Variants in KIAA0319 observed in about 807,000 individuals in gnomAD.
KIAA0319 encodes the protein KIAA0319, also known as dyslexia-associated protein KIAA0319.
Under a neutral mutation model 108.4 loss-of-function variants are expected in KIAA0319, and 83 were observed. The ratio of observed to expected loss-of-function variants is 0.77; its 90% CI spans 0.64 to 0.92. The LOEUF is 0.92. Ranked by LOEUF, KIAA0319 falls within the 40% of genes least tolerant of loss-of-function variation. The probability of loss-of-function intolerance (pLI) is 0.00; values close to 1 mark genes in which losing one functional copy is unlikely to be tolerated. For synonymous variants in KIAA0319, 484 were observed against 510.4 expected (o/e 0.95, Z 0.70); for missense variants, 1,195 against 1,322.4 (o/e 0.90, Z 1.49).
intron 1 of KIAA0319, among the ~76,000 whole-genome samples, chr6:24,619,110 G>A (rs1455737338): frequency 2.0e-5 from 3 of 152,174 alleles, no homozygotes; most frequent in Non-Finnish European, 4.4e-5. Context: ...GCTAGAAAAG[G>A]GAAAGCACTA....
chr6:24,542,269 G>T (rs947086414), downstream of KIAA0319, among the ~76,000 whole-genome samples: 4 of 152,232 alleles, frequency 2.6e-5, no homozygotes, highest in Non-Finnish European at 5.9e-5. Flanking sequence ...TTACAGGATT[G>T]AAGATGATCC....
At chr6:24,622,126 A>G (rs1582276604) in intron 1 of KIAA0319, among the ~76,000 whole-genome samples, 1 of 152,090 alleles carries the variant, frequency 6.6e-6, no homozygotes, top group South Asian at 2.1e-4. Context: ...CTGCCTGGGG[A>G]GTGCTCACCC....
intron 20 of KIAA0319, among the ~76,000 whole-genome samples, chr6:24,551,230 G>C (rs1252024216): frequency 6.6e-6 from 1 of 151,596 alleles, no homozygotes; most frequent in Non-Finnish European, 1.5e-5. Context: ...CAGGCGCCTT[G>C]GCCTAAGTGC....
At position 24,578,140 on chromosome 6, in the gene KIAA0319, G is replaced by C. The variant is rs1484881470; in HGVS notation, c.1475C>G (p.Ser492Cys). ...ACTATAGTTACCAGGATCAAGGTTA[G>C]ACAAGCGTAAGACGGGAGAGTCAAC... Reference protein sequence around the residue: ...TSVDSPVLRLSNLDPGNYSFR... With the variant: ...TSVDSPVLRLCNLDPGNYSFR... The change falls in exon 9 of 21, where the codon TCT (serine) becomes TGT (cysteine). Residue 492 changes from serine to cysteine, a missense_variant. By Grantham distance (112) the Ser-to-Cys change is moderately radical (BLOSUM62 -1). Coordinates refer to ENST00000378214, the MANE Select transcript of KIAA0319 (RefSeq NM_014809.4). The C allele has an allele frequency of 6.2e-7, 1 of 1,613,024 alleles. No homozygotes were observed. Among genetic ancestry groups the C allele is most frequent in the South Asian group, 1.1e-5 (1 of 90,766 alleles).
At chr6:24,549,828 C>T (rs989086791) in intron 20 of KIAA0319, among the ~76,000 whole-genome samples, 41 of 151,906 alleles carry the variant, frequency 2.7e-4, no homozygotes, top group African/African-American at 1.5e-4. Flanking sequence ...ATGGTAATGA[C>T]GAGGAAAGAG....
Position 24,633,118 on chromosome 6 carries a change from T to C in KIAA0319, c.-106+12618A>G, listed in dbSNP as rs142845780. On this transcript the variant is annotated intron_variant, in intron 1 of 20. Coordinates refer to ENST00000378214, the MANE Select transcript of KIAA0319 (RefSeq NM_014809.4). ...GAAAGATAATACAAGATTTTTTTCATACTCAAACTCATCAAACTAATAAAA... is the reference window on the plus strand; with the variant it reads ...GAAAGATAATACAAGATTTTTTTCACACTCAAACTCATCAAACTAATAAAA... Among the ~76,000 whole-genome samples the C allele has an allele frequency of 3.8e-3, 580 of 152,256 alleles. 9 individuals are homozygous for C. Among genetic ancestry groups the C allele is most frequent in the East Asian group, 0.037 (192 of 5,176 alleles).
intron 16 of KIAA0319, among the ~76,000 whole-genome samples, chr6:24,560,032 A>G (rs914914138): frequency 1.3e-5 from 2 of 152,208 alleles, no homozygotes; most frequent in Admixed American, 6.5e-5. Flanking sequence ...GCACACATCA[A>G]TACTTTATTC....
intron 1 of KIAA0319, among the ~76,000 whole-genome samples, chr6:24,627,474 T>TTC (rs1417337686): frequency 8.1e-4 from 123 of 152,250 alleles, no homozygotes; most frequent in African/African-American, 2.2e-3. Context: ...TTCCTTTTTT[T>TTC]CCTCCCTCCT....
chr6:24,573,282 T>C (rs1764988503), intron 10 of KIAA0319, among the ~76,000 whole-genome samples: 1 of 152,124 alleles, frequency 6.6e-6, no homozygotes, highest in Non-Finnish European at 1.5e-5. Flanking sequence ...CTTCTTAGTA[T>C]CTACCCCAGA....
intron 1 of KIAA0319, among the ~76,000 whole-genome samples, chr6:24,614,781 C>G (rs996922823): frequency 2.0e-5 from 3 of 152,008 alleles, no homozygotes; most frequent in Non-Finnish European, 4.4e-5. Flanking sequence ...TATAGAGAAT[C>G]CAAGCAGTTA....
Position 24,551,106 on chromosome 6 carries a change from A to G in KIAA0319, c.3040+328T>C, listed in dbSNP as rs376402644. Among the ~76,000 whole-genome samples, 82 of 151,332 alleles carry G rather than the reference A, an allele frequency of 5.4e-4. 1 individual carries two copies. The highest frequency in any genetic ancestry group is 1.9e-3 in the African/African-American group (79 of 41,262). On this transcript the variant is annotated intron_variant, in intron 20 of 20. Transcript: ENST00000378214. Reference sequence around the variant, plus strand: ...CTATTCTTCTGCCTCAGCCTCCCGAATAGCTGGGACTACAGGCGCACACCA... The same window carrying G: ...CTATTCTTCTGCCTCAGCCTCCCGAGTAGCTGGGACTACAGGCGCACACCA...
intron 2 of KIAA0319, chr6:24,600,622 G>C (rs758578449): frequency 2.0e-6 from 3 of 1,518,366 alleles, no homozygotes; most frequent in Middle Eastern, 1.7e-4. Context: ...TACTCACATG[G>C]GCTCGGCCAG....
chr6:24,638,966 G>A (rs1007619692), intron 1 of KIAA0319, among the ~76,000 whole-genome samples: 1 of 152,104 alleles, frequency 6.6e-6, no homozygotes. Context: ...TAAATGAGGT[G>A]ATGGATAGGT....
intron 19 of KIAA0319, among the ~76,000 whole-genome samples, chr6:24,552,884 C>T (rs751426726): frequency 1.9e-4 from 29 of 152,194 alleles, no homozygotes; most frequent in Non-Finnish European, 4.1e-4. Flanking sequence ...AGGTTACAGG[C>T]ATGAGCCACC....
At position 24,596,505 on chromosome 6, in the gene KIAA0319, A is replaced by G. The variant is rs1297847756; in HGVS notation, c.169T>C (p.Cys57Arg). ...GACAGGTCACAGCAAGCGGCCGTGC[A>G]GTCTACGACAGGGAAGGTGTGAGAC... ...RVSHTFPVVD[C>R]TAACCDLSSC... The change falls in exon 3 of 21, where the codon TGC becomes CGC. Residue 57 changes from cysteine (C) to arginine (R), a missense_variant. Cys to Arg is a radical substitution (Grantham distance 180). Coordinates refer to ENST00000378214, the MANE Select transcript of KIAA0319 (RefSeq NM_014809.4). 2 of 1,614,166 alleles carry G rather than the reference A, an allele frequency of 1.2e-6. No individual in the cohort carries two copies. Among genetic ancestry groups the G allele is most frequent in the Non-Finnish European group, 8.5e-7 (1 of 1,180,034 alleles).
In KIAA0319 at chr6:24,599,131, T is replaced by C; in HGVS notation, c.55+1918A>G. 1 of 645,522 alleles carries C rather than the reference T, an allele frequency of 1.5e-6. No individual in the cohort carries two copies. Among genetic ancestry groups the C allele is most frequent in the Non-Finnish European group, 2.8e-6 (1 of 359,148 alleles). 40.0% of individuals were successfully genotyped at this position (645,522 alleles called of 1,614,324 possible). A position where few individuals can be genotyped will look rare whatever the true frequency, so the allele number is the denominator to read the frequency against. On this transcript the variant is annotated intron_variant, in intron 2 of 20. Coordinates refer to ENST00000378214, the MANE Select transcript of KIAA0319 (RefSeq NM_014809.4). The surrounding 1 kb of genome is among the most constrained non-coding windows in gnomAD (Gnocchi z 4.1). ...TGGTCCCTGGACATGGACAGCATCA[T>C]TGCTGAGGTCAAGGCCCAGTACAAG... is the stretch of plus-strand genomic sequence containing the variant.
At chr6:24,621,279 T>C (rs1773892159) in intron 1 of KIAA0319, among the ~76,000 whole-genome samples, 1 of 152,220 alleles carries the variant, frequency 6.6e-6, no homozygotes, top group Non-Finnish European at 1.5e-5. Context: ...GCGAGTATCT[T>C]ATGGTTCTCT....
rs1157819682 is a variant in KIAA0319, at chr6:24,578,158, G to C, written c.1457C>G (p.Ser486Cys). The C allele has an allele frequency of 6.2e-7, 1 of 1,613,518 alleles. No individual in the cohort carries two copies. The highest frequency in any genetic ancestry group is 1.1e-5 in the South Asian group (1 of 90,988). Residue 486 changes from serine to cysteine, a missense_variant, in exon 9 of 21, where the codon TCT becomes TGT. Physicochemically the swap from Ser to Cys is moderately radical, Grantham distance 112. Coordinates refer to ENST00000378214, the MANE Select transcript of KIAA0319 (RefSeq NM_014809.4). ...AAGGTTAGACAAGCGTAAGACGGGA[G>C]AGTCAACTGAAGTCTTCTCTTCTAT... ...PFIEEKTSVD[S>C]PVLRLSNLDP... is the part of the protein sequence containing the mutation.
At chr6:24,621,449 C>T (rs1246196478) in intron 1 of KIAA0319, among the ~76,000 whole-genome samples, 1 of 152,120 alleles carries the variant, frequency 6.6e-6, no homozygotes, top group Non-Finnish European at 1.5e-5. Context: ...CAGGGGACAT[C>T]CAGAGACACA....
Sources: allele counts gnomAD v4.1 joint callset (sites outside exome capture counted in the v4.1 genomes callset), GRCh38; gene constraint gnomAD v4.1.1; non-coding constraint Gnocchi (gnomAD v3.1); transcripts MANE v1.5; gene names NCBI Gene and HGNC (gene_info 2026-07-23, HGNC 2026-07-21).